IQCH: variants seen among roughly 807,000 people sequenced by gnomAD.
IQCH encodes the protein IQ motif containing H.
Under a neutral mutation model 117.0 loss-of-function variants are expected in IQCH, and 98 were observed. That is an observed-to-expected ratio of 0.84 (90% CI 0.71 to 0.99). IQCH has a LOEUF of 0.99. Among genes scored for constraint, IQCH ranks in the 50% least tolerant of loss-of-function variants. The probability of loss-of-function intolerance (pLI) is 0.00; values close to 1 mark genes in which losing one functional copy is unlikely to be tolerated. For missense variants in IQCH, 1,102 were observed against 1,243.8 expected (o/e 0.89, Z 1.72); for synonymous variants, 412 against 448.2 (o/e 0.92, Z 1.02).
Position 67,372,257 on chromosome 15 carries a change from T to C in IQCH, c.900T>C (p.Ser300=). The change falls in exon 9 of 21, where the codon TCT becomes TCC. Residue 300 remains serine, a synonymous_variant. Transcript: ENST00000335894. ...HFSLAWGGIF[S]LLEHVEKFLR... ...GCTTAGCTTGGGGAGGTATTTTTTCTCTCTTGGAACACGTCGAGAAGTTTC... is the reference window on the plus strand; with the variant it reads ...GCTTAGCTTGGGGAGGTATTTTTTCCCTCTTGGAACACGTCGAGAAGTTTC... 6.2e-7 allele frequency: 1 copy of C among 1,614,140 alleles called. No individual in the cohort carries two copies. The highest frequency in any genetic ancestry group is 8.5e-7 in the Non-Finnish European group (1 of 1,180,010).
chr15:67,382,394 A>T (rs1012835376), intron 10 of IQCH, among the ~76,000 whole-genome samples: 1 of 152,208 alleles, frequency 6.6e-6, no homozygotes, highest in African/African-American at 2.4e-5. Context: ...TCTTGATTTT[A>T]AGGTCAGTTG....
chr15:67,443,567 C>T lies in IQCH; in HGVS notation c.2506-21560C>T, dbSNP rs2082329934. 6.6e-6 allele frequency among the ~76,000 whole-genome samples: 1 copy of T among 152,156 alleles called. No individual in the cohort carries two copies. Among genetic ancestry groups the T allele is most frequent in the African/African-American group, 2.4e-5 (1 of 41,428 alleles). Reference sequence around the variant, plus strand: ...CCAAATACCACCTGTACCCCAGTAACTTATGGACTAAAATAAAATAAATAA... The same window carrying T: ...CCAAATACCACCTGTACCCCAGTAATTTATGGACTAAAATAAAATAAATAA... On this transcript the variant is annotated intron_variant, in intron 16 of 20. Transcript: ENST00000335894. This position sits in a 1 kb window ranked among gnomAD's most constrained non-coding sequence, Gnocchi z 5.0.
At chr15:67,357,833 G>A (rs559637509) in intron 7 of IQCH, among the ~76,000 whole-genome samples, 2 of 149,456 alleles carry the variant, frequency 1.3e-5, no homozygotes, top group African/African-American at 2.5e-5. Context: ...AATGAAGCAG[G>A]GGAAAGAATT....
In IQCH at chr15:67,393,294, T is replaced by C. The variant is rs921793095; in HGVS notation, c.1633-1997T>C. Among the ~76,000 whole-genome samples, 2 of 152,182 alleles carry C rather than the reference T, an allele frequency of 1.3e-5. No individual in the cohort carries two copies. The highest frequency in any genetic ancestry group is 4.8e-5 in the African/African-American group (2 of 41,442). On this transcript the variant is annotated intron_variant, in intron 12 of 20. Transcript: ENST00000335894. The surrounding 1 kb of genome is among the most constrained non-coding windows in gnomAD (Gnocchi z 5.5). The stretch of plus-strand genomic sequence containing the variant: ...GTGTTCTCCCCAGTCTAGTTCTCTT[T>C]CTCCCATACTCAGGAGTTATACTCT...
intron 10 of IQCH, among the ~76,000 whole-genome samples, chr15:67,378,890 A>G (rs1189891964): frequency 4.6e-5 from 7 of 152,174 alleles, no homozygotes; most frequent in Non-Finnish European, 1.0e-4. Flanking sequence ...CTTTACACTC[A>G]TCATGATTAT....
intron 16 of IQCH, among the ~76,000 whole-genome samples, chr15:67,429,659 C>G (rs1477878314): frequency 2.0e-5 from 3 of 152,310 alleles, no homozygotes; most frequent in African/African-American, 4.8e-5. Flanking sequence ...ACAGGTCTTA[C>G]AATAAGACAT....
Position 67,334,904 on chromosome 15 carries a change from A to T in IQCH, c.388-2071A>T, listed in dbSNP as rs138921038. On this transcript the variant is annotated intron_variant, in intron 4 of 20. Coordinates refer to ENST00000335894, the MANE Select transcript of IQCH (RefSeq NM_001031715.3). ...CTCAGTAAATGCTGAAGGTTGTTTC[A>T]TTCCTTCACCCTCCAACCAAGCATA... Among the ~76,000 whole-genome samples, 104 of 152,260 alleles carry T rather than the reference A, an allele frequency of 6.8e-4. 4 individuals carry two copies. In the East Asian group the frequency reaches 0.012, roughly 18 times the overall value.
chr15:67,395,189 C>A lies in IQCH; in HGVS notation c.1633-102C>A. 1 of 1,267,810 alleles carries A rather than the reference C, an allele frequency of 7.9e-7. No homozygotes were observed. The highest frequency in any genetic ancestry group is 1.1e-6 in the Non-Finnish European group (1 of 917,502). 78.5% of individuals were successfully genotyped at this position (1,267,810 alleles called of 1,614,324 possible). On this transcript the variant is annotated intron_variant, in intron 12 of 20. Coordinates refer to ENST00000335894, the MANE Select transcript of IQCH (RefSeq NM_001031715.3). This position sits in a 1 kb window ranked among gnomAD's most constrained non-coding sequence, Gnocchi z 4.0. The stretch of plus-strand genomic sequence containing the variant: ...AACAACAGGATAGGTCATAACCCAG[C>A]CTGCTATTAATAATGTATTTATTAT...
chr15:67,295,729 G>A (rs1966848589), intron 4 of IQCH, among the ~76,000 whole-genome samples: 1 of 152,120 alleles, frequency 6.6e-6, no homozygotes, highest in Non-Finnish European at 1.5e-5. Context: ...CTAACTAAAT[G>A]CATCAGTCTT....
intron 18 of IQCH, among the ~76,000 whole-genome samples, chr15:67,478,518 G>A (rs865773840): frequency 6.6e-6 from 1 of 152,130 alleles, no homozygotes; most frequent in Middle Eastern, 3.4e-3. Flanking sequence ...AATATAGATT[G>A]GGGCAACAGA....
intron 4 of IQCH, among the ~76,000 whole-genome samples, chr15:67,319,681 G>A (rs1160192942): frequency 2.0e-5 from 3 of 152,180 alleles, no homozygotes; most frequent in Admixed American, 2.0e-4. Context: ...TATGCAACCT[G>A]TCCTCATCAC....
Position 67,475,594 on chromosome 15 carries a change from A to G in IQCH, c.2677-102A>G, listed in dbSNP as rs1158843986. On this transcript the variant is annotated intron_variant, in intron 17 of 20. Transcript: ENST00000335894. This position sits in a 1 kb window ranked among gnomAD's most constrained non-coding sequence, Gnocchi z 5.7. ...AGAACTGGGTGTGGGGGATATAGGA[A>G]CTCTCAGAATTATCTTCGCAATTTT... 3 of 974,154 alleles carry G rather than the reference A, an allele frequency of 3.1e-6. No individual in the cohort carries two copies. The African/African-American group carries it at 4.9e-5, about 16-fold the overall frequency. The allele number at this position is 974,154 out of a possible 1,614,324, so 60.3% of individuals were successfully genotyped here.
At position 67,447,451 on chromosome 15, in the gene IQCH, C is replaced by T. The variant is rs1380973131; in HGVS notation, c.2506-17676C>T. ...GAATCCAGATTCATCTCTCAGATAA[C>T]TGAATCCAAAAGGTTCCCTTATGAT... On this transcript the variant is annotated intron_variant, in intron 16 of 20. Transcript: ENST00000335894. This position sits in a 1 kb window ranked among gnomAD's most constrained non-coding sequence, Gnocchi z 5.3. 2.0e-5 allele frequency among the ~76,000 whole-genome samples: 3 copies of T among 152,198 alleles called. No homozygotes were observed. Among genetic ancestry groups the T allele is most frequent in the Non-Finnish European group, 4.4e-5 (3 of 68,044 alleles).
At chr15:67,362,408 T>G (rs1388439742) in intron 8 of IQCH, among the ~76,000 whole-genome samples, 2 of 152,150 alleles carry the variant, frequency 1.3e-5, no homozygotes, top group African/African-American at 4.8e-5. Context: ...GTGATAACAT[T>G]GTAATCTCAA....
intron 4 of IQCH, among the ~76,000 whole-genome samples, chr15:67,330,707 A>G (rs1334039750): frequency 6.6e-6 from 1 of 152,212 alleles, no homozygotes; most frequent in African/African-American, 2.4e-5. Flanking sequence ...AAGCAGTGAC[A>G]TGCATTTTTC....
chr15:67,275,173 TC>T (rs1966071359), intron 3 of IQCH, among the ~76,000 whole-genome samples: 1 of 152,222 alleles, frequency 6.6e-6, no homozygotes, highest in South Asian at 2.1e-4. Context: ...CCTGATACTT[TC>T]CATGGGTTGA....
At chr15:67,322,638 A>G (rs1968192231) in intron 4 of IQCH, among the ~76,000 whole-genome samples, 1 of 152,184 alleles carries the variant, frequency 6.6e-6, no homozygotes, top group South Asian at 2.1e-4. Flanking sequence ...CGCCTAGGTT[A>G]CATACAGCTT....
chr15:67,265,512 G>T (rs1367867008), intron 3 of IQCH, among the ~76,000 whole-genome samples: 2 of 152,116 alleles, frequency 1.3e-5, no homozygotes, highest in Non-Finnish European at 2.9e-5. Context: ...GAATGTGTAG[G>T]GCTAAAGTGG....
chr15:67,434,597 T>C (rs1463288595), intron 16 of IQCH, among the ~76,000 whole-genome samples: 1 of 152,214 alleles, frequency 6.6e-6, no homozygotes, highest in East Asian at 1.9e-4. Flanking sequence ...AAGATTTTAT[T>C]TTCTTTGGCT....
Sources: gnomAD v4.1 joint callset for allele counts (sites outside exome capture counted in the v4.1 genomes callset) on GRCh38, gnomAD v4.1.1 for gene constraint, Gnocchi (gnomAD v3.1) non-coding constraint, MANE v1.5 for transcripts, NCBI Gene and HGNC (gene_info 2026-07-23, HGNC 2026-07-21) for gene names.